ARHGAP42: variants seen among roughly 807,000 people sequenced by gnomAD.
ARHGAP42 encodes Rho GTPase activating protein 42.
ARHGAP42 carries 63 observed loss-of-function variants against 125.0 expected under a neutral mutation model. The observed-to-expected ratio is 0.50, with a 90% confidence interval of 0.41 to 0.62. The LOEUF is 0.62. ARHGAP42 is among the 20% of genes least tolerant of loss of function. ARHGAP42 has a pLI of 0.00. For synonymous variants in ARHGAP42, 339 were observed against 351.0 expected (o/e 0.97, Z 0.38); for missense variants, 766 against 1,024.2 (o/e 0.75, Z 3.44).
intron 2 of ARHGAP42, among the ~76,000 whole-genome samples, chr11:100,776,430 G>T (rs1863121998): frequency 6.6e-6 from 1 of 152,150 alleles, no homozygotes; most frequent in African/African-American, 2.4e-5. Flanking sequence ...TTTTGGTGGA[G>T]ACTTCATTCC....
chr11:100,691,191 C>G (rs1861183330), intron 1 of ARHGAP42, among the ~76,000 whole-genome samples: 1 of 152,166 alleles, frequency 6.6e-6, no homozygotes, highest in African/African-American at 2.4e-5. Flanking sequence ...TGGTGTATGA[C>G]TGAACATCTC....
intron 4 of ARHGAP42, among the ~76,000 whole-genome samples, chr11:100,894,437 A>G (rs898668378): frequency 6.6e-6 from 1 of 152,226 alleles, no homozygotes; most frequent in Non-Finnish European, 1.5e-5. Context: ...GGATAACAAA[A>G]TGTCAGCATT....
intron 3 of ARHGAP42, among the ~76,000 whole-genome samples, chr11:100,829,678 A>G (rs974028753): frequency 3.3e-5 from 5 of 152,104 alleles, no homozygotes; most frequent in African/African-American, 4.8e-5. Context: ...CAATTTTGGC[A>G]TTTTCCAATG....
chr11:100,800,759 TAAAG>T (rs140660547), intron 3 of ARHGAP42, among the ~76,000 whole-genome samples: 1,741 of 152,164 alleles, frequency 0.011, 44 homozygotes, highest in African/African-American at 0.039. Context: ...GGGTCTGAAA[TAAAG>T]AATGTGCAAT....
chr11:100,982,754 C>T (rs1858576113), intron 22 of ARHGAP42, among the ~76,000 whole-genome samples: 1 of 152,102 alleles, frequency 6.6e-6, no homozygotes, highest in Non-Finnish European at 1.5e-5. Context: ...TGTAAACAAT[C>T]AAATGTTTCT....
At chr11:100,805,602 G>A (rs550465620) in intron 3 of ARHGAP42, among the ~76,000 whole-genome samples, 1 of 152,252 alleles carries the variant, frequency 6.6e-6, no homozygotes, top group East Asian at 1.9e-4. Flanking sequence ...GCAGAGCAGT[G>A]GCATGGGCTG....
intron 4 of ARHGAP42, among the ~76,000 whole-genome samples, chr11:100,870,169 C>T (rs551233215): frequency 2.0e-5 from 3 of 152,298 alleles, no homozygotes; most frequent in African/African-American, 7.2e-5. Context: ...GCAATGAAGT[C>T]TTCTCTGTAA....
At chr11:100,916,389 T>C (rs1293188531) in intron 5 of ARHGAP42, among the ~76,000 whole-genome samples, 3 of 152,200 alleles carry the variant, frequency 2.0e-5, no homozygotes, top group Admixed American at 2.0e-4. Flanking sequence ...TCATCTCTTA[T>C]ATACAAGAAG....
chr11:100,805,862 C>A (rs73575594), intron 3 of ARHGAP42, among the ~76,000 whole-genome samples: 3,545 of 152,112 alleles, frequency 0.023, 129 homozygotes, highest in African/African-American at 0.08. Flanking sequence ...ACCAGAGGTC[C>A]CTTTTGATGC....
chr11:100,985,746 G>A (rs1359883455), intron 22 of ARHGAP42, among the ~76,000 whole-genome samples: 1 of 152,202 alleles, frequency 6.6e-6, no homozygotes, highest in African/African-American at 2.4e-5. Context: ...GCTCACCTCT[G>A]ATGAAAAGAC....
chr11:100,972,496 G>A (rs1565301466), intron 17 of ARHGAP42, among the ~76,000 whole-genome samples: 1 of 151,562 alleles, frequency 6.6e-6, no homozygotes, highest in Non-Finnish European at 1.5e-5. Flanking sequence ...CCCAATACTA[G>A]GGAGGTACTC....
At chr11:100,963,092 G>C (rs1434183834) in intron 16 of ARHGAP42, among the ~76,000 whole-genome samples, 1 of 152,142 alleles carries the variant, frequency 6.6e-6, no homozygotes, top group Non-Finnish European at 1.5e-5. Context: ...GAGCAACTAA[G>C]CAGGACTCTA....
At chr11:100,760,280 G>A (rs1482301667) in intron 1 of ARHGAP42, among the ~76,000 whole-genome samples, 1 of 152,140 alleles carries the variant, frequency 6.6e-6, no homozygotes, top group Non-Finnish European at 1.5e-5. Context: ...AGTTTAGATC[G>A]GTTTGTTTGG....
chr11:100,733,652 C>T (rs1052911300), intron 1 of ARHGAP42, among the ~76,000 whole-genome samples: 3 of 151,662 alleles, frequency 2.0e-5, no homozygotes, highest in Non-Finnish European at 2.9e-5. Flanking sequence ...GGTGAAACCC[C>T]CATCTCTACT....
At chr11:100,979,603 A>G (rs552391) in intron 22 of ARHGAP42, among the ~76,000 whole-genome samples, 135,307 of 152,154 alleles carry the variant, frequency 0.89, 60,296 homozygotes, top group East Asian at 1. Context: ...TAAAGTTCCT[A>G]CTTTACTCTT....
chr11:100,868,676 A>G (rs1052402799), intron 4 of ARHGAP42, among the ~76,000 whole-genome samples: 31 of 152,174 alleles, frequency 2.0e-4, no homozygotes, highest in Non-Finnish European at 1.3e-4. Context: ...GCTCATTTGG[A>G]CAGTGAGATA....
In ARHGAP42 at chr11:100,939,581, G is replaced by C. The variant is rs187761154; in HGVS notation, c.833-2203G>C. ...TTCTTAGATAAAATATGGGCACTTAGTAGGTATTCGATGAATGTTAATTCC... is the reference window on the plus strand; with the variant it reads ...TTCTTAGATAAAATATGGGCACTTACTAGGTATTCGATGAATGTTAATTCC... On this transcript the variant is annotated intron_variant, in intron 8 of 23. Transcript: ENST00000298815. 1.8e-4 allele frequency among the ~76,000 whole-genome samples: 27 copies of C among 152,258 alleles called. 1 individual carries two copies. Among genetic ancestry groups the C allele is most frequent in the African/African-American group, 6.5e-4 (27 of 41,562 alleles).
At chr11:100,857,993 A>G (rs1283832716) in intron 3 of ARHGAP42, among the ~76,000 whole-genome samples, 2 of 152,020 alleles carry the variant, frequency 1.3e-5, no homozygotes, top group Non-Finnish European at 2.9e-5. Flanking sequence ...TCCAAGTTAC[A>G]CTAAAGTACT....
intron 3 of ARHGAP42, among the ~76,000 whole-genome samples, chr11:100,796,158 C>T (rs756487372): frequency 3.3e-5 from 5 of 152,014 alleles, no homozygotes; most frequent in Admixed American, 6.6e-5. Flanking sequence ...CTCTGTGTCA[C>T]GTTTTGGTAA....
Sources: gnomAD v4.1 joint callset for allele counts (sites outside exome capture counted in the v4.1 genomes callset) on GRCh38, gnomAD v4.1.1 for gene constraint, MANE v1.5 for transcripts, NCBI Gene and HGNC (gene_info 2026-07-23, HGNC 2026-07-21) for gene names.